Variants in AUTS2 observed in about 807,000 individuals in gnomAD.
AUTS2 encodes the protein autism susceptibility gene 2 protein.
In AUTS2, 17 loss-of-function variants were observed where a neutral mutation model predicts 112.4. The ratio of observed to expected loss-of-function variants is 0.15; its 90% CI spans 0.10 to 0.23. The LOEUF is 0.23. AUTS2 is among the 10% of genes least tolerant of loss of function. The probability of loss-of-function intolerance (pLI) is 1.00; values close to 1 mark genes in which losing one functional copy is unlikely to be tolerated. For synonymous variants in AUTS2, 751 were observed against 702.7 expected, an observed-to-expected ratio of 1.07 and a Z score of -1.09; for missense variants, 1,510 against 1,701.6, an observed-to-expected ratio of 0.89 and a Z score of 1.98.
At chr7:70,002,727 A>G (rs1463138142) in intron 2 of AUTS2, among the ~76,000 whole-genome samples, 1 of 152,160 alleles carries the variant, frequency 6.6e-6, no homozygotes, top group Admixed American at 6.5e-5. Context: ...ACCTTATAAA[A>G]TATGTTTTAT....
intron 1 of AUTS2, among the ~76,000 whole-genome samples, chr7:69,623,381 ATTTTTTTTTTTT>A (rs56204810): frequency 4.2e-5 from 3 of 71,946 alleles, no homozygotes; most frequent in African/African-American, 5.4e-5. Flanking sequence ...ACGCCCAGCA[ATTTTTTTTTTTT>A]TTTTTTTTTT....
chr7:70,756,176 T>A (rs1245447489), intron 6 of AUTS2, among the ~76,000 whole-genome samples: 1 of 152,228 alleles, frequency 6.6e-6, no homozygotes, highest in East Asian at 1.9e-4. Context: ...CTGATAATAG[T>A]GCACTTTATT....
At chr7:69,870,022 A>G (rs1044730217) in intron 1 of AUTS2, among the ~76,000 whole-genome samples, 4 of 152,170 alleles carry the variant, frequency 2.6e-5, no homozygotes, top group African/African-American at 9.7e-5. Context: ...TTCATAAATG[A>G]TTTGGAAAAT....
chr7:70,538,800 A>G (rs1800427765), intron 5 of AUTS2, among the ~76,000 whole-genome samples: 1 of 152,180 alleles, frequency 6.6e-6, no homozygotes, highest in Non-Finnish European at 1.5e-5. Flanking sequence ...TTCATAGAAA[A>G]TGTTTCATAG....
At chr7:69,604,604 G>A (rs1792613488) in intron 1 of AUTS2, among the ~76,000 whole-genome samples, 1 of 152,318 alleles carries the variant, frequency 6.6e-6, no homozygotes, top group East Asian at 1.9e-4. Flanking sequence ...GATATATGGG[G>A]AAGGAGTTGG....
In AUTS2 at chr7:70,694,208, G is replaced by A. The variant is rs1808926360; in HGVS notation, c.691-4361G>A. 6.7e-6 allele frequency: 1 copy of A among 150,220 alleles called. No individual in the cohort carries two copies. The highest frequency in any genetic ancestry group is 2.1e-4 in the South Asian group (1 of 4,790). 9.3% of individuals were successfully genotyped at this position (150,220 alleles called of 1,614,324 possible). ...GTTCACTTGAGCTGTGAACCGGCGGGAGAGGCAGGCGCCCGCAAGCCGAGC... is the reference window on the plus strand; with the variant it reads ...GTTCACTTGAGCTGTGAACCGGCGGAAGAGGCAGGCGCCCGCAAGCCGAGC... On this transcript the variant is annotated intron_variant, in intron 5 of 18. Coordinates refer to ENST00000342771, the MANE Select transcript of AUTS2 (RefSeq NM_015570.4). This position sits in a 1 kb window ranked among gnomAD's most constrained non-coding sequence, Gnocchi z 4.1.
At chr7:70,445,612 C>T (rs781668421) in intron 5 of AUTS2, among the ~76,000 whole-genome samples, 16 of 152,138 alleles carry the variant, frequency 1.1e-4, no homozygotes, top group Non-Finnish European at 1.9e-4. Flanking sequence ...GGGCTATATA[C>T]AAGGTATATA....
At position 69,599,540 on chromosome 7, in the gene AUTS2, C is replaced by T. The variant is rs992733166; in HGVS notation, c.-114C>T. 30 of 1,050,780 alleles carry T rather than the reference C, an allele frequency of 2.9e-5. No individual in the cohort carries two copies. In the African/African-American group the frequency reaches 4.5e-4, roughly 16 times the overall value. 65.1% of individuals were successfully genotyped at this position (1,050,780 alleles called of 1,614,324 possible). ...GCCGCCGTCTCCCCCGCGCCCTCCT[C>T]GGGGCGGAGGGAAGCCGTGAAGGGG... On this transcript the variant is annotated 5_prime_UTR_variant, in exon 1 of 19. Transcript: ENST00000342771. The surrounding 1 kb of genome is among the most constrained non-coding windows in gnomAD (Gnocchi z 7.0).
At chr7:70,773,925 C>T (rs1202521909) in intron 11 of AUTS2, 103 bp from the exon 12 acceptor site, 12 of 1,084,264 alleles carry the variant, frequency 1.1e-5, no homozygotes, top group Middle Eastern at 4.0e-4. Flanking sequence ...AGGAAACAAA[C>T]AAATGAAGTT....
chr7:70,076,769 A>G (rs919612227), intron 2 of AUTS2, among the ~76,000 whole-genome samples: 1 of 152,224 alleles, frequency 6.6e-6, no homozygotes, highest in African/African-American at 2.4e-5. Context: ...GAAAACAGAT[A>G]AATGGGAAAC....
At chr7:69,829,345 C>T (rs1562912095) in intron 1 of AUTS2, among the ~76,000 whole-genome samples, 1 of 152,066 alleles carries the variant, frequency 6.6e-6, no homozygotes, top group East Asian at 1.9e-4. Context: ...AAAGATTTTA[C>T]CATGAAATCC....
intron 4 of AUTS2, among the ~76,000 whole-genome samples, chr7:70,170,710 C>T (rs547651353): frequency 2.6e-5 from 4 of 151,066 alleles, no homozygotes; most frequent in South Asian, 2.1e-4. Context: ...CGGGTTCAAG[C>T]GATTCTCCTA....
chr7:70,061,663 ATACT>A (rs1299031466), intron 2 of AUTS2, among the ~76,000 whole-genome samples: 1 of 152,126 alleles, frequency 6.6e-6, no homozygotes, highest in Non-Finnish European at 1.5e-5. Flanking sequence ...TAGACATGAG[ATACT>A]TAATAACTTT....
chr7:70,013,271 G>C (rs1438992691), intron 2 of AUTS2, among the ~76,000 whole-genome samples: 1 of 152,160 alleles, frequency 6.6e-6, no homozygotes, highest in Non-Finnish European at 1.5e-5. Context: ...AAACCTTGAG[G>C]ACTAACTTGG....
intron 5 of AUTS2, among the ~76,000 whole-genome samples, chr7:70,518,863 C>G (rs1799528482): frequency 6.6e-6 from 1 of 151,926 alleles, no homozygotes; most frequent in African/African-American, 2.4e-5. Flanking sequence ...ACCACCACAC[C>G]CAGCTAATTT....
chr7:70,468,754 C>T (rs929565952), intron 5 of AUTS2, among the ~76,000 whole-genome samples: 1 of 151,992 alleles, frequency 6.6e-6, no homozygotes, highest in South Asian at 2.1e-4. Context: ...AGTCGGGTCA[C>T]TAAGACTGGT....
chr7:69,992,013 T>C (rs1199864577), intron 2 of AUTS2, among the ~76,000 whole-genome samples: 3 of 152,192 alleles, frequency 2.0e-5, no homozygotes, highest in Non-Finnish European at 4.4e-5. Flanking sequence ...ATGGAAAAGA[T>C]TCAATTAGGC....
At chr7:70,255,227 C>T (rs1415491597) in intron 4 of AUTS2, among the ~76,000 whole-genome samples, 3 of 151,970 alleles carry the variant, frequency 2.0e-5, no homozygotes, top group Non-Finnish European at 4.4e-5. Context: ...GGATGTGCCA[C>T]CACGCCTGGC....
intron 5 of AUTS2, among the ~76,000 whole-genome samples, chr7:70,584,070 G>T (rs17492339): frequency 0.22 from 33,682 of 152,108 alleles, 4,067 homozygotes; most frequent in Middle Eastern, 0.33. Flanking sequence ...GGTGTTCATT[G>T]TTTGTTACGG....
Sources: gnomAD v4.1 joint callset for allele counts (sites outside exome capture counted in the v4.1 genomes callset) on GRCh38, gnomAD v4.1.1 for gene constraint, Gnocchi (gnomAD v3.1) non-coding constraint, MANE v1.5 for transcripts, NCBI Gene and HGNC (gene_info 2026-07-23, HGNC 2026-07-21) for gene names.